The following TRAP1 variants were observed in gnomAD, a reference collection of about 807,000 sequenced individuals.
TRAP1 encodes heat shock protein 75 kDa, mitochondrial.
A neutral mutation model predicts 89.1 loss-of-function variants in TRAP1; 102 were observed. That is an observed-to-expected ratio of 1.15 (90% CI 0.98 to 1.35). TRAP1 has a LOEUF of 1.35. Among genes scored for constraint, TRAP1 ranks in the 40% most tolerant of loss-of-function variants. The pLI, the probability that TRAP1 is intolerant of heterozygous loss-of-function variation, is 0.00. For synonymous variants in TRAP1, 508 were observed against 388.0 expected (o/e 1.31, Z -3.64); for missense variants, 1,256 against 945.3 (o/e 1.33, Z -4.31).
intron 1 of TRAP1, among the ~76,000 whole-genome samples, chr16:3,702,811 G>A (rs2051385025): frequency 6.6e-6 from 1 of 151,622 alleles, no homozygotes; most frequent in African/African-American, 2.4e-5. Context: ...GGGAGGCTGT[G>A]GTAGGCGGAT....
intron 1 of TRAP1, among the ~76,000 whole-genome samples, chr16:3,692,701 C>T (rs569429397): frequency 2.7e-5 from 4 of 147,870 alleles, no homozygotes; most frequent in Admixed American, 1.4e-4. Flanking sequence ...CGGGTTCAAG[C>T]GATTCTCCTG....
chr16:3,662,860 T>G, intron 15 of TRAP1, 22 bp downstream of exon 15: 1 of 1,612,392 alleles, frequency 6.2e-7, no homozygotes, highest in Non-Finnish European at 8.5e-7. Flanking sequence ...CAAGTGGTGG[T>G]CCATCCCCGG....
rs1189442111 is a variant in TRAP1, at chr16:3,679,699, T to C, written c.543+20A>G. 1.2e-6 allele frequency: 2 copies of C among 1,613,848 alleles called. No homozygotes were observed. The highest frequency in any genetic ancestry group is 1.7e-5 in the Admixed American group (1 of 60,024). ...CACCCTGAGGGGAAGGGGGAGGCTGTGTGGGGGCCCCACGCTTACCTTTGA... is the reference window on the plus strand; with the variant it reads ...CACCCTGAGGGGAAGGGGGAGGCTGCGTGGGGGCCCCACGCTTACCTTTGA... On this transcript the variant is annotated intron_variant, in intron 5 of 17. Transcript: ENST00000246957.
chr16:3,668,204 G>C (rs946960156), intron 11 of TRAP1, among the ~76,000 whole-genome samples: 2 of 151,936 alleles, frequency 1.3e-5, no homozygotes, highest in Non-Finnish European at 2.9e-5. Context: ...TTACAGGAGT[G>C]AGCCATTGCG....
At chr16:3,712,652 G>A (rs1233150971) in intron 1 of TRAP1, among the ~76,000 whole-genome samples, 1 of 152,164 alleles carries the variant, frequency 6.6e-6, no homozygotes, top group Non-Finnish European at 1.5e-5. Flanking sequence ...CTGTCGCCCA[G>A]GAGGGAGTGC....
At chr16:3,679,821 C>A (rs754069082) in intron 4 of TRAP1, 31 bp from the exon 5 acceptor site, 1 of 1,612,010 alleles carries the variant, frequency 6.2e-7, no homozygotes, top group Non-Finnish European at 8.5e-7. Context: ...AGTGCCAAGC[C>A]CCCAGCACCT....
Position 3,676,091 on chromosome 16 carries a change from G to T in TRAP1, c.759C>A (p.Ile253=). 6.2e-7 allele frequency: 1 copy of T among 1,613,924 alleles called. No homozygotes were observed. The highest frequency in any genetic ancestry group is 1.1e-5 in the South Asian group (1 of 91,014). ...TGCAGTCGGATTTCAGGTGGATGAT[G>T]ATTTTTGTCCCGGTTCTAACTCCCG... is the stretch of plus-strand genomic sequence containing the variant. ...EASGVRTGTK[I]IIHLKSDCKE... is the part of the protein sequence containing the mutation. The change falls in exon 7 of 18, where the codon ATC becomes ATA. Residue 253 remains isoleucine (I), a synonymous_variant. Coordinates refer to ENST00000246957, the MANE Select transcript of TRAP1 (RefSeq NM_016292.3).
intron 11 of TRAP1, among the ~76,000 whole-genome samples, chr16:3,670,314 C>T (rs1397363649): frequency 2.2e-5 from 3 of 136,174 alleles, no homozygotes; most frequent in African/African-American, 5.5e-5. Flanking sequence ...ACCTAGGAGG[C>T]GAAGGTTGCA....
chr16:3,659,215 A>C (rs2042919502), intron 16 of TRAP1: 1 of 204,270 alleles, frequency 4.9e-6, no homozygotes. Context: ...ATAGGGCTCT[A>C]GTAAATAAAA....
Position 3,664,289 on chromosome 16 carries a change from C to A in TRAP1, c.1554G>T (p.Lys518Asn), listed in dbSNP as rs1373029980. ...AEHSPYYEAMKKKDTEVLFCF... is the reference protein window; with the variant it reads ...AEHSPYYEAMNKKDTEVLFCF... ...GCTCACCCACCTCTGTGTCTTTCTTCTTCATGGCCTCATAGTAGGGTGAGT... is the reference window on the plus strand; with the variant it reads ...GCTCACCCACCTCTGTGTCTTTCTTATTCATGGCCTCATAGTAGGGTGAGT... Residue 518 changes from lysine to asparagine, a missense_variant, in exon 13 of 18, where the codon AAG (lysine) becomes AAT (asparagine). Lys to Asn is a moderately conservative substitution (Grantham distance 94). Coordinates refer to ENST00000246957, the MANE Select transcript of TRAP1 (RefSeq NM_016292.3). The A allele has an allele frequency of 1.9e-6, 3 of 1,595,080 alleles. No homozygotes were observed. The East Asian group carries it at 6.7e-5, about 36-fold the overall frequency.
chr16:3,684,769 G>A (rs1015149463), intron 4 of TRAP1, among the ~76,000 whole-genome samples: 7 of 151,986 alleles, frequency 4.6e-5, no homozygotes, highest in African/African-American at 1.5e-4. Flanking sequence ...CAGCCTGGGC[G>A]ACACAGCCAC....
At chr16:3,714,283 G>A (rs966822890) in intron 1 of TRAP1, among the ~76,000 whole-genome samples, 1 of 152,222 alleles carries the variant, frequency 6.6e-6, no homozygotes, top group Non-Finnish European at 1.5e-5. Flanking sequence ...CATTGGAAAT[G>A]TATTTGCTGA....
intron 1 of TRAP1, among the ~76,000 whole-genome samples, chr16:3,705,508 A>G (rs2051430078): frequency 6.6e-6 from 1 of 152,220 alleles, no homozygotes; most frequent in Non-Finnish European, 1.5e-5. Flanking sequence ...CACTTCACAG[A>G]AATGAAATCA....
chr16:3,689,915 C>G (rs2051190664), intron 2 of TRAP1: 1 of 152,258 alleles, frequency 6.6e-6, no homozygotes, highest in South Asian at 2.1e-4. Flanking sequence ...TGAGGCCAGA[C>G]ATGCCTCGGG....
In TRAP1 at chr16:3,662,908, G is replaced by A; in HGVS notation, c.1768C>T (p.Leu590=). 1.2e-5 allele frequency: 19 copies of A among 1,613,418 alleles called. No individual in the cohort carries two copies. Among genetic ancestry groups the A allele is most frequent in the Non-Finnish European group, 1.6e-5 (19 of 1,179,996 alleles). The change falls in exon 15 of 18, where the codon CTG becomes TTG. Residue 590 remains leucine (L), a synonymous_variant. Transcript: ENST00000246957. The part of the protein sequence containing the change: ...EELMAWMRNV[L]GSRVTNVKVT... ...TTCACGTTGGTGACACGCGACCCCA[G>A]CACATTTCTCATCCAGGCCATGAGC...
chr16:3,676,371 G>A (rs2050994943), intron 6 of TRAP1: 1 of 67,028 alleles, frequency 1.5e-5, no homozygotes, highest in Admixed American at 1.5e-4. Flanking sequence ...CCTCGGGCGG[G>A]GGGCGGGGGG....
At chr16:3,675,262 G>T (rs540770012) in intron 8 of TRAP1, 62 bp downstream of exon 8, 4 of 1,542,706 alleles carry the variant, frequency 2.6e-6, no homozygotes, top group Non-Finnish European at 3.6e-6. Flanking sequence ...CTTCTCCGCT[G>T]CCCTGAAACG....
chr16:3,663,716 TACG>T, intron 13 of TRAP1, 154 bp from the exon 14 acceptor site: 1 of 861,218 alleles, frequency 1.2e-6, no homozygotes, highest in Non-Finnish European at 1.8e-6. Flanking sequence ...TGACAGTTAC[TACG>T]ACACCTGGGT....
chr16:3,708,637 A>AAAAT lies in TRAP1; in HGVS notation c.88+8780_88+8783dup, dbSNP rs532635780. Among the ~76,000 whole-genome samples the AAAAT allele has an allele frequency of 3.4e-3, 515 of 151,572 alleles. 4 individuals carry two copies. The highest frequency in any genetic ancestry group is 0.017 in the Middle Eastern group (5 of 294). On this transcript the variant is annotated intron_variant, in intron 1 of 17. Coordinates refer to ENST00000246957, the MANE Select transcript of TRAP1 (RefSeq NM_016292.3). ...GGGCGACGGAGCGAGACTCCATCTC[A>AAAAT]AAATAAATAAATAAATAAATAAAAA...
Sources: gnomAD v4.1 joint callset for allele counts (sites outside exome capture counted in the v4.1 genomes callset) on GRCh38, gnomAD v4.1.1 for gene constraint, MANE v1.5 for transcripts, NCBI Gene and HGNC (gene_info 2026-07-23, HGNC 2026-07-21) for gene names.